TTLL6: variants seen among roughly 807,000 people sequenced by gnomAD.
The protein encoded by TTLL6 is tubulin tyrosine ligase like 6, also known as tubulin polyglutamylase TTLL6.
A neutral mutation model predicts 96.4 loss-of-function variants in TTLL6; 75 were observed. The observed-to-expected ratio is 0.78, with a 90% confidence interval of 0.65 to 0.94. The LOEUF (loss-of-function observed/expected upper bound fraction) is 0.94, where lower values mean the gene tolerates loss of function less well. TTLL6 is among the 40% of genes least tolerant of loss of function. The pLI is 0.00. For synonymous variants in TTLL6, 411 were observed against 419.4 expected (o/e 0.98, Z 0.24); for missense variants, 1,030 against 1,093.0 (o/e 0.94, Z 0.81).
rs759534624 is a variant in TTLL6, at chr17:48,784,955, C to T, written c.2008G>A (p.Ala670Thr). The change falls in exon 13 of 16, where the codon GCC becomes ACC. Residue 670 changes from alanine (A) to threonine (T), a missense_variant. Coordinates refer to ENST00000393382, the MANE Select transcript of TTLL6 (RefSeq NM_001130918.3). ...CCAGTGAATACGTTCACTGCAGAGG[C>T]AGACTTGGCCTCCTTGATGCTGAAG... is the stretch of plus-strand genomic sequence containing the variant. ...PNFSIKEAKS[A>T]SAVNVFTGTV... 6.2e-7 allele frequency: 1 copy of T among 1,614,154 alleles called. No homozygotes were observed. Among genetic ancestry groups the T allele is most frequent in the Non-Finnish European group, 8.5e-7 (1 of 1,180,026 alleles).
At chr17:48,804,630 T>C (rs1157029645) in intron 2 of TTLL6, 142 bp downstream of exon 2, 7 of 720,200 alleles carry the variant, frequency 9.7e-6, no homozygotes, top group Non-Finnish European at 1.7e-5. Flanking sequence ...TCTTTTTATA[T>C]GAACCAAAAG....
rs2039332192 is a variant in TTLL6 at position 48,797,193 on chromosome 17, A to C, written c.780T>G (p.Ile260Met). 1.3e-6 allele frequency: 2 copies of C among 1,550,388 alleles called. No individual in the cohort carries two copies. Among genetic ancestry groups the C allele is most frequent in the Non-Finnish European group, 1.7e-6 (2 of 1,146,382 alleles). ...TCCGTAGGTCAAACTTAAACCCATCAATGATAAAGGGCTGGAAGGAGAGAA... is the reference window on the plus strand; with the variant it reads ...TCCGTAGGTCAAACTTAAACCCATCCATGATAAAGGGCTGGAAGGAGAGAA... ...CQLYISKPFI[I>M]DGFKFDLRIY... Residue 260 changes from isoleucine to methionine, a missense_variant, in exon 7 of 16, where the codon ATT (isoleucine) becomes ATG (methionine). Ile to Met is a conservative substitution (Grantham distance 10, BLOSUM62 1). Coordinates refer to ENST00000393382, the MANE Select transcript of TTLL6 (RefSeq NM_001130918.3).
chr17:48,791,472 G>A lies in TTLL6; in HGVS notation c.1130C>T (p.Thr377Ile). 6.2e-7 allele frequency: 1 copy of A among 1,614,216 alleles called. No homozygotes were observed. The highest frequency in any genetic ancestry group is 1.1e-5 in the South Asian group (1 of 91,074). Reference sequence around the variant, plus strand: ...GTTGAGTGTGTGGTTGGGGAAGCAGGTGTGGTAGTTATGCCTGATGATGGG... The same window carrying A: ...GTTGAGTGTGTGGTTGGGGAAGCAGATGTGGTAGTTATGCCTGATGATGGG... ...AHPIIRHNYH[T>I]CFPNHTLNSA... Residue 377 changes from threonine to isoleucine, a missense_variant, in exon 9 of 16, where the codon ACC (threonine) becomes ATC (isoleucine). Physicochemically the swap from Thr to Ile is moderately conservative, Grantham distance 89. Transcript: ENST00000393382.
intron 8 of TTLL6, chr17:48,794,305 C>T: frequency 1.2e-6 from 2 of 1,611,922 alleles, no homozygotes; most frequent in Non-Finnish European, 1.7e-6. Context: ...GAGAACCTTT[C>T]CATTCTGTGC....
At chr17:48,763,606 C>T (rs1010431594) in intron 15 of TTLL6, among the ~76,000 whole-genome samples, 6 of 151,950 alleles carry the variant, frequency 3.9e-5, no homozygotes, top group African/African-American at 9.7e-5. Context: ...AGACCAGCCT[C>T]GTCAACATGG....
At chr17:48,810,618 C>T (rs1335911606) in intron 1 of TTLL6, among the ~76,000 whole-genome samples, 2 of 151,856 alleles carry the variant, frequency 1.3e-5, no homozygotes, top group Admixed American at 6.6e-5. Context: ...ATCACCTGAG[C>T]CCAGGAGATT....
intron 8 of TTLL6, 142 bp from the exon 9 acceptor site, chr17:48,791,745 C>G (rs2039229792): frequency 1.5e-6 from 1 of 673,782 alleles, no homozygotes; most frequent in Non-Finnish European, 2.5e-6. Context: ...AGGGTGACAC[C>G]TGGGCTGTGT....
At chr17:48,771,610 C>T (rs746973798) in intron 13 of TTLL6, among the ~76,000 whole-genome samples, 12 of 151,338 alleles carry the variant, frequency 7.9e-5, no homozygotes, top group South Asian at 4.2e-4. Flanking sequence ...CCAGCTTAGG[C>T]GACAGAGCAA....
chr17:48,812,071 C>CCG (rs1555569811), intron 1 of TTLL6: 2 of 94,962 alleles, frequency 2.1e-5, no homozygotes, highest in African/African-American at 3.8e-5. Flanking sequence ...GGGACCCCCC[C>CCG]CCCCACCCCC....
chr17:48,791,045 G>T (rs1014324168), intron 9 of TTLL6, among the ~76,000 whole-genome samples: 1 of 152,140 alleles, frequency 6.6e-6, no homozygotes, highest in Non-Finnish European at 1.5e-5. Flanking sequence ...GATACTGAAC[G>T]TTGCCAACCC....
At chr17:48,785,845 T>C (rs533071582) in intron 12 of TTLL6, among the ~76,000 whole-genome samples, 2 of 152,122 alleles carry the variant, frequency 1.3e-5, no homozygotes, top group African/African-American at 4.8e-5. Context: ...CAGGAGTACA[T>C]GCACTCCTGA....
chr17:48,787,269 T>C (rs2039118605), intron 11 of TTLL6, among the ~76,000 whole-genome samples: 1 of 152,220 alleles, frequency 6.6e-6, no homozygotes, highest in Non-Finnish European at 1.5e-5. Context: ...GAGGCAGCTT[T>C]GAGGGGGTGG....
At chr17:48,793,165 C>G in intron 8 of TTLL6, among the ~76,000 whole-genome samples, 1 of 152,058 alleles carries the variant, frequency 6.6e-6, no homozygotes, top group East Asian at 1.9e-4. Flanking sequence ...GGCAGTTGAC[C>G]TCAAACGCCA....
At chr17:48,776,433 C>T (rs934612494) in intron 13 of TTLL6, among the ~76,000 whole-genome samples, 1 of 152,096 alleles carries the variant, frequency 6.6e-6, no homozygotes, top group African/African-American at 2.4e-5. Flanking sequence ...TGCACTCCAG[C>T]CTGGTGACAG....
At chr17:48,773,752 G>GA (rs764653646) in intron 13 of TTLL6, among the ~76,000 whole-genome samples, 26 of 151,204 alleles carry the variant, frequency 1.7e-4, no homozygotes, top group Non-Finnish European at 3.5e-4. Flanking sequence ...ATTATATTAG[G>GA]AAAAAAGTCT....
At chr17:48,804,366 G>A (rs1473820661) in intron 2 of TTLL6, 2 of 484,888 alleles carry the variant, frequency 4.1e-6, no homozygotes, top group African/African-American at 1.9e-5. Context: ...GCAAGGCATG[G>A]TGAAATATTA....
intron 5 of TTLL6, chr17:48,799,981 C>A: frequency 1.8e-6 from 1 of 552,040 alleles, no homozygotes; most frequent in Non-Finnish European, 3.2e-6. Flanking sequence ...CAAGCAACAC[C>A]ACTTACCAGT....
Position 48,769,958 on chromosome 17 carries a change from T to G in TTLL6, c.2180A>C (p.Lys727Thr), listed in dbSNP as rs2038703470. Residue 727 changes from lysine to threonine, a missense_variant, in exon 14 of 16, where the codon AAG becomes ACG. By Grantham distance (78) the Lys-to-Thr change is moderately conservative. Coordinates refer to ENST00000393382, the MANE Select transcript of TTLL6 (RefSeq NM_001130918.3). ...TAAGTGTGGAGGGGTCTGCTGCTTC[T>G]TGCATTTAAAGGATACCACCCTGTC... ...ETDRVVSFKC[K>T]KQQTPPHLTQ... is the part of the protein sequence containing the mutation. The G allele has an allele frequency of 6.2e-7, 1 of 1,614,158 alleles. No homozygotes were observed. Among genetic ancestry groups the G allele is most frequent in the Non-Finnish European group, 8.5e-7 (1 of 1,180,046 alleles).
At chr17:48,786,420 G>C in intron 11 of TTLL6, 85 bp from the exon 12 acceptor site, 1 of 1,548,604 alleles carries the variant, frequency 6.5e-7, no homozygotes, top group South Asian at 1.1e-5. Flanking sequence ...GGACATGACT[G>C]GGCGAAAAGT....
Sources: gnomAD v4.1 joint callset for allele counts (sites outside exome capture counted in the v4.1 genomes callset) on GRCh38, gnomAD v4.1.1 for gene constraint, MANE v1.5 for transcripts, NCBI Gene and HGNC (gene_info 2026-07-23, HGNC 2026-07-21) for gene names.